Variants in LOXHD1 observed in about 807,000 individuals in gnomAD.
LOXHD1 encodes the protein lipoxygenase homology domain-containing protein 1.
A neutral mutation model predicts 248.2 loss-of-function variants in LOXHD1; 205 were observed. The ratio of observed to expected loss-of-function variants is 0.83; its 90% CI spans 0.74 to 0.93. The LOEUF (loss-of-function observed/expected upper bound fraction) is 0.93, where lower values mean the gene tolerates loss of function less well. Ranked by LOEUF, LOXHD1 falls within the 40% of genes least tolerant of loss-of-function variation. LOXHD1 has a pLI of 0.00. For synonymous variants in LOXHD1, 1,113 were observed against 1,162.8 expected (o/e 0.96, Z 0.87); for missense variants, 2,930 against 2,971.6 (o/e 0.99, Z 0.33).
intron 18 of LOXHD1, among the ~76,000 whole-genome samples, chr18:46,561,827 C>T (rs774531839): frequency 1.8e-4 from 27 of 152,330 alleles, no homozygotes; most frequent in African/African-American, 5.3e-4. Flanking sequence ...CACTTCTTCA[C>T]GGCATTAGCT....
intron 5 of LOXHD1, among the ~76,000 whole-genome samples, chr18:46,616,598 T>C (rs1298091648): frequency 6.6e-6 from 1 of 152,210 alleles, no homozygotes; most frequent in Admixed American, 6.5e-5. Flanking sequence ...CTTTCTTCTG[T>C]GTACAATTTC....
intron 1 of LOXHD1, among the ~76,000 whole-genome samples, chr18:46,654,670 T>C (rs987223415): frequency 6.6e-6 from 1 of 152,136 alleles, no homozygotes; most frequent in Non-Finnish European, 1.5e-5. Flanking sequence ...TCATCAAGAC[T>C]CTCCACGTAA....
At chr18:46,530,952 T>C (rs528569224) in intron 28 of LOXHD1, among the ~76,000 whole-genome samples, 58 of 152,262 alleles carry the variant, frequency 3.8e-4, no homozygotes, top group African/African-American at 1.4e-3. Flanking sequence ...ACCCAGGTCC[T>C]TCCTTTGCTT....
chr18:46,515,384 C>T (rs1219627246), intron 34 of LOXHD1, among the ~76,000 whole-genome samples: 3 of 152,058 alleles, frequency 2.0e-5, no homozygotes, highest in African/African-American at 7.2e-5. Context: ...AAAATCAAAA[C>T]ATGTCTCGGG....
chr18:46,502,131 C>A (rs543299740), intron 37 of LOXHD1, among the ~76,000 whole-genome samples: 1 of 152,222 alleles, frequency 6.6e-6, no homozygotes, highest in African/African-American at 2.4e-5. Flanking sequence ...CCTCATGTTT[C>A]TTCTATTAAA....
rs1463492672 is a variant in LOXHD1 at position 46,550,377 on chromosome 18, T to G, written c.3351-3319A>C. On this transcript the variant is annotated intron_variant, in intron 21 of 40. Coordinates refer to ENST00000642948, the MANE Select transcript of LOXHD1 (RefSeq NM_001384474.1). ...TCATGAGGTCAGGAGATCGAGACCATCCTGGCTAACAAGGTGAAACCCCGT... is the reference window on the plus strand; with the variant it reads ...TCATGAGGTCAGGAGATCGAGACCAGCCTGGCTAACAAGGTGAAACCCCGT... Among the ~76,000 whole-genome samples, 23 of 151,418 alleles carry G rather than the reference T, an allele frequency of 1.5e-4. No individual in the cohort carries two copies. The East Asian group carries it at 4.3e-3, about 28-fold the overall frequency.
chr18:46,654,394 G>T (rs1280462059), intron 1 of LOXHD1, among the ~76,000 whole-genome samples: 1 of 152,222 alleles, frequency 6.6e-6, no homozygotes, highest in Non-Finnish European at 1.5e-5. Flanking sequence ...TGCAGGAGAG[G>T]AGATGCCTCC....
intron 34 of LOXHD1, among the ~76,000 whole-genome samples, chr18:46,515,948 C>A (rs1329042362): frequency 6.6e-6 from 1 of 152,188 alleles, no homozygotes; most frequent in African/African-American, 2.4e-5. Flanking sequence ...AATGCAATCA[C>A]GTATGAAATC....
intron 6 of LOXHD1, among the ~76,000 whole-genome samples, chr18:46,607,025 G>C (rs1001725013): frequency 1.1e-4 from 17 of 152,022 alleles, no homozygotes; most frequent in African/African-American, 3.6e-4. Context: ...AATTAGCCAG[G>C]CATGGTGGCG....
chr18:46,593,221 C>A (rs2038204757), intron 10 of LOXHD1, among the ~76,000 whole-genome samples: 1 of 152,096 alleles, frequency 6.6e-6, no homozygotes, highest in Admixed American at 6.5e-5. Flanking sequence ...AAAATTCATA[C>A]TTTTGATTAA....
At chr18:46,560,959 T>A (rs555542841) in intron 18 of LOXHD1, among the ~76,000 whole-genome samples, 1 of 152,344 alleles carries the variant, frequency 6.6e-6, no homozygotes, top group East Asian at 1.9e-4. Context: ...AGCTAAAATC[T>A]ATTCATTCAG....
intron 4 of LOXHD1, among the ~76,000 whole-genome samples, chr18:46,634,067 C>A (rs1309298173): frequency 2.6e-5 from 4 of 152,266 alleles, no homozygotes; most frequent in Middle Eastern, 3.4e-3. Context: ...TAATACCCAG[C>A]AAATCTGTGT....
chr18:46,566,024 C>T (rs1423720638), intron 17 of LOXHD1, among the ~76,000 whole-genome samples: 1 of 152,110 alleles, frequency 6.6e-6, no homozygotes, highest in Non-Finnish European at 1.5e-5. Flanking sequence ...CTTTATTCCA[C>T]AAAAAAGTAT....
chr18:46,605,495 T>C (rs1016854215), intron 6 of LOXHD1, among the ~76,000 whole-genome samples: 20 of 152,240 alleles, frequency 1.3e-4, no homozygotes, highest in African/African-American at 4.3e-4. Context: ...GTCTGGGCGA[T>C]AGTGCAAGAC....
chr18:46,587,932 T>C (rs2038093008), intron 12 of LOXHD1, among the ~76,000 whole-genome samples: 2 of 152,138 alleles, frequency 1.3e-5, no homozygotes, highest in Non-Finnish European at 2.9e-5. Context: ...ATGGCATTAA[T>C]TGCTTATTTG....
At chr18:46,504,241 G>A (rs1226791972) in intron 37 of LOXHD1, among the ~76,000 whole-genome samples, 2 of 152,096 alleles carry the variant, frequency 1.3e-5, no homozygotes, top group Non-Finnish European at 2.9e-5. Flanking sequence ...CAGTAGCTGG[G>A]ACTACAGGCA....
At chr18:46,533,452 C>A in intron 27 of LOXHD1, 128 bp from the exon 28 acceptor site, 1 of 919,678 alleles carries the variant, frequency 1.1e-6, no homozygotes. Context: ...ATGTAAAAGC[C>A]ACAGGAGAGC....
intron 2 of LOXHD1, among the ~76,000 whole-genome samples, chr18:46,644,476 G>C (rs960343600): frequency 6.6e-6 from 1 of 152,176 alleles, no homozygotes. Flanking sequence ...ACAGTGCCTC[G>C]AGAGGCCAAG....
rs1295605476 is a variant in LOXHD1 at position 46,483,745 on chromosome 18, C to T, written c.6183G>A (p.Lys2061=). 1.9e-6 allele frequency: 3 copies of T among 1,540,110 alleles called. No individual in the cohort carries two copies. Among genetic ancestry groups the T allele is most frequent in the South Asian group, 1.2e-5 (1 of 83,602 alleles). The change falls in exon 40 of 41, where the codon AAG becomes AAA. Residue 2061 remains lysine (K), a splice_region_variant and synonymous_variant. Transcript: ENST00000642948. The part of the protein sequence containing the change: ...ENSSRQRAFR[K]GTTDTFEFDS... ...CAAACTCAAACGTGTCTGTGGTCCC[C>T]CTGCAGGAAACAAAAGTGTGGTCCA...
Sources: allele counts gnomAD v4.1 joint callset (sites outside exome capture counted in the v4.1 genomes callset), GRCh38; gene constraint gnomAD v4.1.1; transcripts MANE v1.5; gene names NCBI Gene and HGNC (gene_info 2026-07-23, HGNC 2026-07-21).